The following POLN variants were observed in gnomAD, a reference collection of about 807,000 sequenced individuals.
POLN encodes DNA polymerase N.
Under a neutral mutation model 113.5 loss-of-function variants are expected in POLN, and 108 were observed. The observed-to-expected ratio is 0.95, with a 90% CI of 0.81 to 1.12. POLN has a LOEUF of 1.12. POLN is among the 50% of genes most tolerant of loss of function. The pLI is 0.00. For synonymous variants in POLN, 386 were observed against 391.5 expected (o/e 0.99, Z 0.17); for missense variants, 1,097 against 1,077.1 (o/e 1.02, Z -0.26).
intron 2 of POLN, chr4:2,236,103 A>T: frequency 1.7e-6 from 1 of 596,216 alleles, no homozygotes; most frequent in Non-Finnish European, 2.9e-6. Flanking sequence ...GAGATATAGA[A>T]ATATACTTTA....
chr4:2,235,159 T>C (rs912855733), intron 2 of POLN, among the ~76,000 whole-genome samples: 2 of 152,210 alleles, frequency 1.3e-5, no homozygotes, highest in South Asian at 2.1e-4. Context: ...GCTGGGATTA[T>C]AGGCGTGAGC....
chr4:2,105,568 G>T (rs1027456866), intron 19 of POLN, among the ~76,000 whole-genome samples: 2 of 152,140 alleles, frequency 1.3e-5, no homozygotes, highest in African/African-American at 4.8e-5. Flanking sequence ...TGAAAGTTCA[G>T]GAAGAGCTGG....
At chr4:2,089,117 T>A (rs1730611308) in intron 20 of POLN, 2 of 1,114,274 alleles carry the variant, frequency 1.8e-6, no homozygotes, top group Non-Finnish European at 2.6e-6. Flanking sequence ...AAAATCTGGG[T>A]TTTTTTTATA....
Position 2,177,391 on chromosome 4 carries a change from C to T in POLN, c.1180-1057G>A, listed in dbSNP as rs562435773. ...TGCTCCCTCTACCTGGAACTCTCTT[C>T]CATTTATCTGAACAATTCATGCCAC... On this transcript the variant is annotated intron_variant, in intron 8 of 25. Transcript: ENST00000511885. The T allele has an allele frequency of 1.2e-4, 45 of 389,360 alleles. 1 individual carries two copies. The highest frequency in any genetic ancestry group is 8.2e-4 in the South Asian group (44 of 53,790). 24.1% of individuals were successfully genotyped at this position (389,360 alleles called of 1,614,324 possible). A position where few individuals can be genotyped will look rare whatever the true frequency, so the allele number is the denominator to read the frequency against.
intron 2 of POLN, chr4:2,239,983 C>T (rs1734911654): frequency 3.7e-6 from 5 of 1,350,104 alleles, no homozygotes; most frequent in Non-Finnish European, 5.3e-6. Flanking sequence ...AATATTATCT[C>T]CTCTATTCCT....
intron 2 of POLN, chr4:2,231,591 C>CT (rs1320400024): frequency 5.7e-6 from 1 of 174,634 alleles, no homozygotes; most frequent in East Asian, 1.8e-4. Flanking sequence ...GAGTGAGACT[C>CT]TATCTCAAAA....
intron 19 of POLN, among the ~76,000 whole-genome samples, chr4:2,105,804 GTGATGATGATGATGATGA>G (rs147342911): frequency 3.5e-5 from 5 of 144,812 alleles, no homozygotes; most frequent in African/African-American, 7.6e-5. Context: ...CAGACAAATA[GTGATGATGATGATGATGA>G]TGATGATGAT....
intron 16 of POLN, among the ~76,000 whole-genome samples, chr4:2,145,022 G>C (rs1732101475): frequency 6.6e-6 from 1 of 152,184 alleles, no homozygotes; most frequent in African/African-American, 2.4e-5. Flanking sequence ...ACAAATGACA[G>C]AGGCATTACA....
intron 19 of POLN, among the ~76,000 whole-genome samples, chr4:2,122,970 T>C (rs894632727): frequency 6.7e-6 from 1 of 149,222 alleles, no homozygotes; most frequent in African/African-American, 2.5e-5. Flanking sequence ...CTAGGCAACA[T>C]AGGAAGACAG....
rs776947583 is a variant in POLN, at chr4:2,128,237, A to ACAGTTCTG, written c.1868-18_1868-11dup. ...TCAATCTGTGAAAAGTCTGTGAGAT[A>ACAGTTCTG]CAGTTCTGCATTAATTTAGAGTTTG... On this transcript the variant is annotated splice_polypyrimidine_tract_variant and intron_variant, in intron 18 of 25. Coordinates refer to ENST00000511885, the MANE Select transcript of POLN (RefSeq NM_181808.4). 2 of 1,542,550 alleles carry ACAGTTCTG rather than the reference A, an allele frequency of 1.3e-6. No individual in the cohort carries two copies. The highest frequency in any genetic ancestry group is 1.8e-6 in the Non-Finnish European group (2 of 1,116,584).
intron 5 of POLN, among the ~76,000 whole-genome samples, chr4:2,204,549 C>G (rs1733799310): frequency 6.6e-6 from 1 of 152,160 alleles, no homozygotes; most frequent in South Asian, 2.1e-4. Flanking sequence ...GACACTATTC[C>G]ACAAGATAGA....
At chr4:2,161,064 A>AC (rs1251140150) in intron 13 of POLN, among the ~76,000 whole-genome samples, 116 of 152,216 alleles carry the variant, frequency 7.6e-4, no homozygotes, top group Non-Finnish European at 1.0e-4. Context: ...GGTCTCTGTC[A>AC]CCCAGGCTCG....
intron 19 of POLN, among the ~76,000 whole-genome samples, chr4:2,107,247 T>G (rs1731086874): frequency 6.6e-6 from 1 of 152,242 alleles, no homozygotes; most frequent in South Asian, 2.1e-4. Context: ...GTTGATTCAC[T>G]TGGTTTCGTA....
chr4:2,179,373 AT>A lies in POLN; in HGVS notation c.1113del (p.Lys371AsnfsTer11). 6.2e-7 allele frequency: 1 copy of A among 1,613,114 alleles called. No homozygotes were observed. Among genetic ancestry groups the A allele is most frequent in the Non-Finnish European group, 8.5e-7 (1 of 1,179,172 alleles). On this transcript the variant is annotated frameshift_variant, in exon 8 of 26. Transcript: ENST00000511885. LOFTEE classifies it high-confidence loss of function. ...ATPSFEDLVE[K>X]YCEKSITVKV... ...TTAACTGTAATGGATTTTTCACAGTATTTTTCTACTAAATCTTCAAAAGAGG... is the reference window on the plus strand; with the variant it reads ...TTAACTGTAATGGATTTTTCACAGTATTTTCTACTAAATCTTCAAAAGAGG...
At chr4:2,212,802 CA>C (rs1734024707) in intron 4 of POLN, among the ~76,000 whole-genome samples, 1 of 152,128 alleles carries the variant, frequency 6.6e-6, no homozygotes. Context: ...TGAAATAGCA[CA>C]AAAACTGAGT....
chr4:2,102,997 C>G (rs1357711514), intron 19 of POLN, among the ~76,000 whole-genome samples: 1 of 152,108 alleles, frequency 6.6e-6, no homozygotes, highest in Non-Finnish European at 1.5e-5. Context: ...TGTAAGGACA[C>G]AGGAAACATG....
chr4:2,229,193 A>G lies in POLN; in HGVS notation c.39T>C (p.Cys13=), dbSNP rs150022553. ...GAGCAACACTGGAGAGCGGTGTATT[A>G]CAGAGATCAAAGCCTACCAATGCCT... ...NYEALVGFDL[C]NTPLSSVAQK... Residue 13 remains cysteine (C), a synonymous_variant, in exon 3 of 26, where the codon TGT becomes TGC. Coordinates refer to ENST00000511885, the MANE Select transcript of POLN (RefSeq NM_181808.4). The G allele has an allele frequency of 6.2e-6, 10 of 1,610,478 alleles. No individual in the cohort carries two copies. In the African/African-American group the frequency reaches 1.3e-4, roughly 22 times the overall value.
chr4:2,200,878 C>A (rs1259431739), intron 5 of POLN, among the ~76,000 whole-genome samples: 1 of 152,046 alleles, frequency 6.6e-6, no homozygotes, highest in Non-Finnish European at 1.5e-5. Flanking sequence ...CCCTGATTTA[C>A]CTGAAAAAGA....
intron 1 of POLN, 78 bp downstream of exon 1, chr4:2,241,973 C>T (rs2108782701): frequency 2.0e-6 from 2 of 985,564 alleles, no homozygotes; most frequent in South Asian, 9.4e-5. Context: ...AAAAGAGGCA[C>T]CTGGGTGCAG....
Sources: gnomAD v4.1 joint callset for allele counts (sites outside exome capture counted in the v4.1 genomes callset) on GRCh38, gnomAD v4.1.1 for gene constraint, MANE v1.5 for transcripts, NCBI Gene and HGNC (gene_info 2026-07-23, HGNC 2026-07-21) for gene names.